The following ANKS1B variants were observed in gnomAD, a reference collection of about 807,000 sequenced individuals.
ANKS1B encodes the protein ankyrin repeat and sterile alpha motif domain containing 1B.
In ANKS1B, 36 loss-of-function variants were observed where a neutral mutation model predicts 148.3. That is an observed-to-expected ratio of 0.24 (90% CI 0.19 to 0.32). The LOEUF is 0.32. Among genes scored for constraint, ANKS1B ranks in the 10% least tolerant of loss-of-function variants. The pLI, the probability that ANKS1B is intolerant of heterozygous loss-of-function variation, is 1.00. For missense variants in ANKS1B, 1,157 were observed against 1,542.6 expected (o/e 0.75, Z 4.19); for synonymous variants, 542 against 560.8 (o/e 0.97, Z 0.47).
At chr12:99,775,502 A>G in intron 7 of ANKS1B, 46 bp downstream of exon 7, 1 of 1,320,382 alleles carries the variant, frequency 7.6e-7, no homozygotes, top group Non-Finnish European at 1.1e-6. Context: ...ACAACTGTAC[A>G]TACAAGTCTA....
chr12:99,708,204 A>T (rs2056109659), intron 8 of ANKS1B, among the ~76,000 whole-genome samples: 1 of 152,154 alleles, frequency 6.6e-6, no homozygotes. Flanking sequence ...GTTGATGACA[A>T]GGGGTTGGAA....
At chr12:99,702,368 C>T (rs1165298607) in intron 8 of ANKS1B, among the ~76,000 whole-genome samples, 3 of 152,010 alleles carry the variant, frequency 2.0e-5, no homozygotes, top group Admixed American at 1.3e-4. Context: ...AGATCTTTTG[C>T]CCATTTTTAA....
At position 98,867,690 on chromosome 12, in the gene ANKS1B, G is replaced by A. The variant is rs576419845; in HGVS notation, c.2779-35554C>T. On this transcript the variant is annotated intron_variant, in intron 17 of 26. Transcript: ENST00000683438. The stretch of plus-strand genomic sequence containing the variant: ...CCTGGCTTCATCCTGGTGAAACCCC[G>A]TCTCTACTAAAAATACAGAAAATTA... 1.3e-4 allele frequency among the ~76,000 whole-genome samples: 19 copies of A among 151,896 alleles called. No homozygotes were observed. The South Asian group carries it at 1.7e-3, about 13-fold the overall frequency.
intron 1 of ANKS1B, among the ~76,000 whole-genome samples, chr12:99,924,359 G>A (rs965305656): frequency 6.6e-6 from 1 of 152,124 alleles, no homozygotes; most frequent in Admixed American, 6.6e-5. Context: ...ATTACTCAAG[G>A]AATTGTTCTC....
intron 9 of ANKS1B, among the ~76,000 whole-genome samples, chr12:99,540,350 G>A (rs2097113086): frequency 6.6e-6 from 1 of 152,110 alleles, no homozygotes; most frequent in Non-Finnish European, 1.5e-5. Context: ...CCAAACAACA[G>A]CAGAATGTGC....
In ANKS1B at chr12:99,823,215, T is replaced by C. The variant is rs148327517; in HGVS notation, c.215+2094A>G. Among the ~76,000 whole-genome samples, 497 of 152,332 alleles carry C rather than the reference T, an allele frequency of 3.3e-3. 2 individuals carry two copies. Among genetic ancestry groups the C allele is most frequent in the Non-Finnish European group, 5.6e-3 (382 of 68,022 alleles). On this transcript the variant is annotated intron_variant, in intron 2 of 26. Coordinates refer to ENST00000683438, the MANE Select transcript of ANKS1B (RefSeq NM_001352186.2). ...TGGCCTTTGGTAGATGCATAGTTTA[T>C]GAATATTTTCTCCCATTCTATAGTT...
At chr12:99,384,824 AT>A (rs571880723) in intron 12 of ANKS1B, among the ~76,000 whole-genome samples, 2 of 151,712 alleles carry the variant, frequency 1.3e-5, no homozygotes, top group South Asian at 2.1e-4. Context: ...TTAGTTTTAA[AT>A]TTTTTTTTAC....
intron 15 of ANKS1B, among the ~76,000 whole-genome samples, chr12:99,121,392 A>G (rs904437095): frequency 2.7e-5 from 4 of 150,900 alleles, no homozygotes; most frequent in Non-Finnish European, 5.9e-5. Flanking sequence ...TAAAATTGGT[A>G]TCAACATTTC....
intron 12 of ANKS1B, among the ~76,000 whole-genome samples, chr12:99,257,581 T>G (rs2075414695): frequency 6.6e-6 from 1 of 152,170 alleles, no homozygotes; most frequent in Non-Finnish European, 1.5e-5. Flanking sequence ...TTTAAATATT[T>G]TGTTTATATA....
At chr12:99,118,511 A>T (rs980085206) in intron 15 of ANKS1B, among the ~76,000 whole-genome samples, 3 of 152,204 alleles carry the variant, frequency 2.0e-5, no homozygotes, top group African/African-American at 4.8e-5. Context: ...TTCTAAATCC[A>T]GTCGCTAACT....
At chr12:99,801,050 G>A (rs569744353) in intron 4 of ANKS1B, among the ~76,000 whole-genome samples, 17 of 152,188 alleles carry the variant, frequency 1.1e-4, no homozygotes, top group African/African-American at 2.4e-4. Flanking sequence ...GCTCTTTGCC[G>A]TATGACTTTG....
intron 16 of ANKS1B, among the ~76,000 whole-genome samples, chr12:99,075,842 G>A (rs1014617725): frequency 4.2e-5 from 6 of 141,402 alleles, no homozygotes; most frequent in African/African-American, 1.5e-4. Context: ...TATAATATAT[G>A]TTTTATATTA....
intron 5 of ANKS1B, among the ~76,000 whole-genome samples, 156 bp from the exon 6 acceptor site, chr12:99,780,128 C>T (rs955505118): frequency 6.6e-6 from 1 of 152,096 alleles, no homozygotes; most frequent in Admixed American, 6.6e-5. Context: ...TACACACACA[C>T]ATGCGCACAC....
In ANKS1B at chr12:98,782,150, C is replaced by G; in HGVS notation, c.3343-13G>C. The G allele has an allele frequency of 1.3e-6, 2 of 1,596,550 alleles. No homozygotes were observed. Among genetic ancestry groups the G allele is most frequent in the African/African-American group, 2.7e-5 (2 of 74,690 alleles). ...CCTGACAGTTAGCCTGGTGGATTTT[C>G]CAGTTAAGACAGATGGGAACATAAT... On this transcript the variant is annotated splice_polypyrimidine_tract_variant and intron_variant, in intron 22 of 26. Transcript: ENST00000683438.
At chr12:99,659,278 T>C (rs12314918) in intron 8 of ANKS1B, among the ~76,000 whole-genome samples, 1,534 of 152,288 alleles carry the variant, frequency 0.01, 34 homozygotes, top group African/African-American at 0.035. Flanking sequence ...CAATTATATA[T>C]GGGAAGAAGC....
chr12:99,941,872 T>G (rs988703518), intron 1 of ANKS1B, among the ~76,000 whole-genome samples: 1 of 152,138 alleles, frequency 6.6e-6, no homozygotes, highest in Admixed American at 6.5e-5. Context: ...GGCATCACCA[T>G]GCAGAGAATG....
In ANKS1B at chr12:99,219,429, C is replaced by A. The variant is rs74460007; in HGVS notation, c.2419+24913G>T. 7.0e-4 allele frequency among the ~76,000 whole-genome samples: 106 copies of A among 152,070 alleles called. 3 individuals carry two copies. The East Asian group carries it at 0.02, about 29-fold the overall frequency. ...GATAGGAGGCTGATTTGATAAGCAC[C>A]GACAAAGAAACAAGATTTTCCTTCA... is the stretch of plus-strand genomic sequence containing the variant. On this transcript the variant is annotated intron_variant, in intron 14 of 26. Transcript: ENST00000683438.
At chr12:99,127,849 G>C (rs1465760964) in intron 15 of ANKS1B, among the ~76,000 whole-genome samples, 3 of 152,212 alleles carry the variant, frequency 2.0e-5, no homozygotes, top group Non-Finnish European at 2.9e-5. Context: ...CCACAAATTA[G>C]ACTTTTTTAA....
rs1365384063 is a variant in ANKS1B at position 99,898,021 on chromosome 12, A to G, written c.135-72632T>C. 1.3e-5 allele frequency among the ~76,000 whole-genome samples: 2 copies of G among 152,172 alleles called. 1 individual carries two copies. The highest frequency in any genetic ancestry group is 2.9e-5 in the Non-Finnish European group (2 of 68,010). ...CAATGATGGAAGGCATAATTTTTTC[A>G]GTGTACATGTGCATATTAAATAGCA... On this transcript the variant is annotated intron_variant, in intron 1 of 26. Coordinates refer to ENST00000683438, the MANE Select transcript of ANKS1B (RefSeq NM_001352186.2).
Sources: allele counts gnomAD v4.1 joint callset (sites outside exome capture counted in the v4.1 genomes callset), GRCh38; gene constraint gnomAD v4.1.1; transcripts MANE v1.5; gene names NCBI Gene and HGNC (gene_info 2026-07-23, HGNC 2026-07-21).